DNAH6: variants seen among roughly 807,000 people sequenced by gnomAD.
DNAH6 encodes the protein axonemal beta dynein heavy chain 6.
In DNAH6, 340 loss-of-function variants were observed where a neutral mutation model predicts 491.4. The observed-to-expected ratio is 0.69, with a 90% CI of 0.63 to 0.76. DNAH6 has a LOEUF of 0.76. Among genes scored for constraint, DNAH6 ranks in the 30% least tolerant of loss-of-function variants. The pLI, the probability that DNAH6 is intolerant of heterozygous loss-of-function variation, is 0.00. For missense variants in DNAH6, 4,443 were observed against 4,972.2 expected, an observed-to-expected ratio of 0.89 and a Z score of 3.20; for synonymous variants, 1,603 against 1,686.1, an observed-to-expected ratio of 0.95 and a Z score of 1.21.
At chr2:84,665,288 CA>C (rs1488246075) in intron 37 of DNAH6, among the ~76,000 whole-genome samples, 2 of 149,938 alleles carry the variant, frequency 1.3e-5, no homozygotes, top group Non-Finnish European at 3.0e-5. Flanking sequence ...AAAAACCCTT[CA>C]AAAAAATCAA....
chr2:84,676,879 A>T, intron 40 of DNAH6, 126 bp from the exon 41 acceptor site: 2 of 1,033,666 alleles, frequency 1.9e-6, no homozygotes, highest in Non-Finnish European at 2.8e-6. Context: ...TGTGAGAATT[A>T]AGTCATTTAA....
intron 63 of DNAH6, among the ~76,000 whole-genome samples, chr2:84,756,103 T>C (rs1270439044): frequency 3.3e-5 from 5 of 152,236 alleles, no homozygotes. Flanking sequence ...GTCTTGGGTA[T>C]GTCTTTATCA....
chr2:84,525,500 G>A (rs1676527462), intron 2 of DNAH6, 65 bp from the exon 3 acceptor site: 6 of 1,457,058 alleles, frequency 4.1e-6, no homozygotes, highest in Admixed American at 2.5e-5. Flanking sequence ...TCCAAAGGTA[G>A]TGAAAAATAA....
At chr2:84,494,320 C>T in the DNAH6 span, among the ~76,000 whole-genome samples, 1 of 152,158 alleles carries the variant, frequency 6.6e-6, no homozygotes, top group Non-Finnish European at 1.5e-5. Context: ...TATAATGTAG[C>T]ATTTGACGAA....
At chr2:84,720,394 T>C (rs2104921589) in intron 59 of DNAH6, among the ~76,000 whole-genome samples, 2 of 142,926 alleles carry the variant, frequency 1.4e-5, no homozygotes, top group South Asian at 4.8e-4. Context: ...TTCTCCTGCC[T>C]CAGCCTCCCA....
intron 11 of DNAH6, among the ~76,000 whole-genome samples, chr2:84,559,138 C>T (rs888993107): frequency 6.6e-6 from 1 of 152,000 alleles, no homozygotes; most frequent in Non-Finnish European, 1.5e-5. Flanking sequence ...TATAAGCTAG[C>T]AGTTAATCTA....
chr2:84,720,231 T>G (rs1220758350), intron 59 of DNAH6, among the ~76,000 whole-genome samples: 1 of 150,582 alleles, frequency 6.6e-6, no homozygotes, highest in Non-Finnish European at 1.5e-5. Context: ...TACAACCAAT[T>G]CTTATTTTAA....
chr2:84,666,378 G>C (rs923367106), intron 37 of DNAH6, among the ~76,000 whole-genome samples: 4 of 152,120 alleles, frequency 2.6e-5, no homozygotes. Context: ...AAAATCTGAA[G>C]AAGCTGATAA....
At position 84,703,487 on chromosome 2, in the gene DNAH6, T is replaced by C; in HGVS notation, c.8154T>C (p.Pro2718=). The part of the protein sequence containing the change: ...KMKLDLSALE[P]VLLAKSEDVE... ...AACTAGATCTTTCAGCTTTAGAGCC[T>C]GTACTTTTAGCAAAATCAGAAGATG... Residue 2718 remains proline (P), a synonymous_variant, in exon 50 of 77, where the codon CCT becomes CCC. Coordinates refer to ENST00000389394, the MANE Select transcript of DNAH6 (RefSeq NM_001370.2). 1.3e-6 allele frequency: 2 copies of C among 1,551,414 alleles called. No individual in the cohort carries two copies. The highest frequency in any genetic ancestry group is 2.4e-5 in the South Asian group (2 of 83,990).
chr2:84,764,001 C>A (rs1674841231), intron 64 of DNAH6, among the ~76,000 whole-genome samples: 1 of 152,118 alleles, frequency 6.6e-6, no homozygotes, highest in Non-Finnish European at 1.5e-5. Context: ...CTTATTCAGC[C>A]TTTTTATTAT....
chr2:84,699,835 T>G, intron 48 of DNAH6, 101 bp downstream of exon 48: 1 of 1,140,290 alleles, frequency 8.8e-7, no homozygotes, highest in Non-Finnish European at 1.2e-6. Context: ...TTGTATTAGC[T>G]TTAAAGCCTA....
intron 33 of DNAH6, among the ~76,000 whole-genome samples, chr2:84,645,731 G>A (rs1689834546): frequency 6.6e-6 from 1 of 152,090 alleles, no homozygotes; most frequent in African/African-American, 2.4e-5. Context: ...TCCAAGACTT[G>A]GTTGAGCTCC....
chr2:84,725,355 T>C (rs547414673), intron 60 of DNAH6, among the ~76,000 whole-genome samples: 2 of 152,302 alleles, frequency 1.3e-5, no homozygotes, highest in African/African-American at 2.4e-5. Context: ...GTTGTTTAGA[T>C]AGGCCTGGGT....
At chr2:84,505,904 C>A in the DNAH6 span, among the ~76,000 whole-genome samples, 1 of 152,184 alleles carries the variant, frequency 6.6e-6, no homozygotes, top group African/African-American at 2.4e-5. Flanking sequence ...TCTTTTATGG[C>A]TGCATAGTAT....
chr2:84,805,742 C>T lies in DNAH6; in HGVS notation c.11559C>T (p.Ser3853=), dbSNP rs1317657544. 2.6e-6 allele frequency: 4 copies of T among 1,551,460 alleles called. No individual in the cohort carries two copies. The highest frequency in any genetic ancestry group is 3.5e-6 in the Non-Finnish European group (4 of 1,146,894). ...PRSSTGGEGK[S]NDEIVQELVA... Reference sequence around the variant, plus strand: ...CATCTACTGGTGGAGAGGGAAAAAGCAATGACGAAATTGTTCAAGAACTTG... The same window carrying T: ...CATCTACTGGTGGAGAGGGAAAAAGTAATGACGAAATTGTTCAAGAACTTG... Residue 3853 remains serine, a synonymous_variant, in exon 71 of 77, where the codon AGC becomes AGT. Transcript: ENST00000389394.
chr2:84,777,554 T>A (rs1159277690), intron 64 of DNAH6: 1 of 774,644 alleles, frequency 1.3e-6, no homozygotes, highest in African/African-American at 1.7e-5. Context: ...AACCACCTAC[T>A]TGTGAACCTC....
chr2:84,777,526 C>T, intron 64 of DNAH6: 1 of 744,638 alleles, frequency 1.3e-6, no homozygotes, highest in Non-Finnish European at 2.5e-6. Context: ...TGAGTTTGAT[C>T]ACCTCATAAG....
chr2:84,712,285 A>G (rs1697118212), intron 56 of DNAH6, among the ~76,000 whole-genome samples: 1 of 152,260 alleles, frequency 6.6e-6, no homozygotes, highest in Admixed American at 6.5e-5. Flanking sequence ...TTTTGTTTGA[A>G]GAATTTACAT....
chr2:84,460,224 G>A, the DNAH6 span, among the ~76,000 whole-genome samples: 93 of 152,352 alleles, frequency 6.1e-4, no homozygotes, highest in Non-Finnish European at 8.5e-4. Context: ...TGGGATGGAT[G>A]AGTGGGATTA....
Sources: allele counts gnomAD v4.1 joint callset (sites outside exome capture counted in the v4.1 genomes callset), GRCh38; gene constraint gnomAD v4.1.1; transcripts MANE v1.5; gene names NCBI Gene and HGNC (gene_info 2026-07-23, HGNC 2026-07-21).